PI4K2A: variants seen among roughly 807,000 people sequenced by gnomAD.
The protein encoded by PI4K2A is phosphatidylinositol 4-kinase type 2-alpha.
PI4K2A carries 20 observed loss-of-function variants against 55.0 expected under a neutral mutation model. That is an observed-to-expected ratio of 0.36 (90% CI 0.26 to 0.53). The LOEUF (loss-of-function observed/expected upper bound fraction) is 0.53, where lower values mean the gene tolerates loss of function less well. Among genes scored for constraint, PI4K2A ranks in the 20% least tolerant of loss-of-function variants. PI4K2A has a pLI of 0.91. For missense variants in PI4K2A, 463 were observed against 637.1 expected (o/e 0.73, Z 2.94); for synonymous variants, 235 against 258.5 (o/e 0.91, Z 0.87).
chr10:97,657,571 G>A (rs1248798384), intron 4 of PI4K2A, among the ~76,000 whole-genome samples: 1 of 151,782 alleles, frequency 6.6e-6, no homozygotes, highest in Non-Finnish European at 1.5e-5. Flanking sequence ...AGGAGGCTGA[G>A]GTGGGAGAAT....
At chr10:97,643,173 CAA>C (rs909087261) in intron 1 of PI4K2A, among the ~76,000 whole-genome samples, 8 of 151,640 alleles carry the variant, frequency 5.3e-5, no homozygotes, top group Non-Finnish European at 1.0e-4. Context: ...TTCATGGAGA[CAA>C]GAGTCTCGCC....
intron 6 of PI4K2A, among the ~76,000 whole-genome samples, chr10:97,665,941 G>A (rs2041607842): frequency 6.6e-6 from 1 of 151,954 alleles, no homozygotes; most frequent in African/African-American, 2.4e-5. Context: ...TATATTTCCT[G>A]AAATATCTTT....
chr10:97,668,987 T>C (rs1364467441), intron 8 of PI4K2A, among the ~76,000 whole-genome samples: 1 of 152,046 alleles, frequency 6.6e-6, no homozygotes, highest in African/African-American at 2.4e-5. Context: ...TGCCTCAGCC[T>C]CCCAAGTAGC....
rs2041483505 is a variant in PI4K2A at position 97,642,881 on chromosome 10, C to CTTT, written c.435+1705_435+1707dup. ...TTTCTTTCTTTTTCTTTCTTTCTTT[C>CTTT]TTTCTTCCTTCCTTCCTTCCTTCCT... On this transcript the variant is annotated intron_variant, in intron 1 of 8. Coordinates refer to ENST00000370631, the Ensembl canonical transcript of PI4K2A. 2.5e-5 allele frequency among the ~76,000 whole-genome samples: 3 copies of CTTT among 120,976 alleles called. 1 individual carries two copies. The highest frequency in any genetic ancestry group is 5.1e-5 in the Non-Finnish European group (3 of 58,816). 79.4% of individuals were successfully genotyped at this position (120,976 alleles called of 152,430 possible).
intron 8 of PI4K2A, 49 bp downstream of exon 8, chr10:97,667,169 G>C (rs994595234): frequency 1.0e-5 from 14 of 1,357,572 alleles, no homozygotes; most frequent in Non-Finnish European, 1.2e-5. Flanking sequence ...TGGGAGTGTT[G>C]TGTGCTCAGG....
chr10:97,673,364 A>G (rs764240191), intron 8 of PI4K2A, among the ~76,000 whole-genome samples: 3 of 152,222 alleles, frequency 2.0e-5, no homozygotes, highest in Admixed American at 1.3e-4. Flanking sequence ...GGGCAAAAAA[A>G]TAAAGGATTT....
chr10:97,645,872 C>T lies in PI4K2A; in HGVS notation c.435+4695C>T, dbSNP rs74152005. Reference sequence around the variant, plus strand: ...GATGGTTTTATATATTTCAACAAGCCCTTCCCTTCCTTTTGTAAGAATGAA... The same window carrying T: ...GATGGTTTTATATATTTCAACAAGCTCTTCCCTTCCTTTTGTAAGAATGAA... On this transcript the variant is annotated intron_variant, in intron 1 of 8. Coordinates refer to ENST00000370631, the Ensembl canonical transcript of PI4K2A. Among the ~76,000 whole-genome samples, 716 of 151,864 alleles carry T rather than the reference C, an allele frequency of 4.7e-3. 7 individuals are homozygous for T. Among genetic ancestry groups the T allele is most frequent in the African/African-American group, 0.016 (676 of 41,440 alleles).
chr10:97,653,017 T>C (rs2041536571), intron 2 of PI4K2A, among the ~76,000 whole-genome samples: 2 of 152,226 alleles, frequency 1.3e-5, no homozygotes, highest in South Asian at 4.1e-4. Context: ...TCTTTATGCC[T>C]TACTTTTCCC....
intron 1 of PI4K2A, 66 bp downstream of exon 1, chr10:97,641,243 G>A: frequency 8.5e-7 from 1 of 1,181,110 alleles, no homozygotes; most frequent in Non-Finnish European, 1.2e-6. Flanking sequence ...GGAGTTGGGG[G>A]CTTCGCACAG....
At chr10:97,662,908 T>C in exon 5 of PI4K2A, 1 of 1,603,596 alleles carries the variant, frequency 6.2e-7, no homozygotes, top group Non-Finnish European at 8.5e-7. Context: ...TGTTCACAGA[T>C]CGAGGCAATG....
At chr10:97,663,537 C>T (rs2041596517) in intron 5 of PI4K2A, among the ~76,000 whole-genome samples, 1 of 143,668 alleles carries the variant, frequency 7.0e-6, no homozygotes. Context: ...TTTTAAGAAA[C>T]AGGGTTGGCC....
At chr10:97,640,720 T>A (rs2041462222) in exon 1 of PI4K2A, 11 of 1,452,904 alleles carry the variant, frequency 7.6e-6, no homozygotes, top group Non-Finnish European at 1.0e-5. Context: ...GCGCGCCGGG[T>A]CCCGGAGCCG....
chr10:97,642,871 T>C (rs1226086957), intron 1 of PI4K2A, among the ~76,000 whole-genome samples: 12 of 118,468 alleles, frequency 1.0e-4, no homozygotes, highest in African/African-American at 3.7e-5. Flanking sequence ...TTCTTTTTCT[T>C]TCTTTCTTTC....
chr10:97,649,059 T>A (rs2041518369), intron 1 of PI4K2A, among the ~76,000 whole-genome samples: 1 of 152,228 alleles, frequency 6.6e-6, no homozygotes, highest in South Asian at 2.1e-4. Context: ...TGGACCTAGC[T>A]AGTTCCTAAT....
exon 1 of PI4K2A, chr10:97,640,980 C>G (rs2041464861): frequency 6.5e-7 from 1 of 1,528,310 alleles, no homozygotes; most frequent in Admixed American, 2.0e-5. Context: ...CGTGGCGGCG[C>G]AGGCCCAGGC....
chr10:97,653,424 T>C (rs2041538494), intron 2 of PI4K2A, among the ~76,000 whole-genome samples: 1 of 152,250 alleles, frequency 6.6e-6, no homozygotes, highest in African/African-American at 2.4e-5. Context: ...ACAGCCTATA[T>C]GAAGCACATA....
intron 1 of PI4K2A, among the ~76,000 whole-genome samples, chr10:97,648,470 C>T (rs1439901724): frequency 6.6e-6 from 1 of 152,188 alleles, no homozygotes; most frequent in Non-Finnish European, 1.5e-5. Context: ...GCCTCATCCT[C>T]TGAAAGTGCT....
chr10:97,652,930 G>A (rs748996179), intron 2 of PI4K2A, among the ~76,000 whole-genome samples: 4 of 152,184 alleles, frequency 2.6e-5, no homozygotes, highest in Admixed American at 2.0e-4. Flanking sequence ...TAGGTCTAGC[G>A]AGAAAATGTT....
At chr10:97,659,537 C>T (rs2041570741) in intron 4 of PI4K2A, among the ~76,000 whole-genome samples, 1 of 151,496 alleles carries the variant, frequency 6.6e-6, no homozygotes, top group South Asian at 2.1e-4. Context: ...TCTAAGACTT[C>T]CAGTACTATG....
Sources: allele counts gnomAD v4.1 joint callset (sites outside exome capture counted in the v4.1 genomes callset), GRCh38; gene constraint gnomAD v4.1.1; transcripts MANE v1.5; gene names NCBI Gene and HGNC (gene_info 2026-07-23, HGNC 2026-07-21).